The following DAB1 variants were observed in gnomAD, a reference collection of about 807,000 sequenced individuals.
DAB1 encodes the protein disabled homolog 1.
DAB1 carries 15 observed loss-of-function variants against 64.6 expected under a neutral mutation model. The ratio of observed to expected loss-of-function variants is 0.23; its 90% CI spans 0.16 to 0.36. The LOEUF is 0.36. Among genes scored for constraint, DAB1 ranks in the 10% least tolerant of loss-of-function variants. DAB1 has a pLI of 1.00. For missense variants in DAB1, 596 were observed against 706.7 expected (o/e 0.84, Z 1.78); for synonymous variants, 235 against 251.9 (o/e 0.93, Z 0.64).
intron 4 of DAB1, among the ~76,000 whole-genome samples, chr1:58,336,338 T>G (rs1663117139): frequency 6.6e-6 from 1 of 152,230 alleles, no homozygotes; most frequent in South Asian, 2.1e-4. Context: ...AAGAAAGAAT[T>G]CTATGCTTTG....
intron 5 of DAB1, among the ~76,000 whole-genome samples, chr1:58,010,189 C>T (rs1166384796): frequency 6.6e-6 from 1 of 152,142 alleles, no homozygotes; most frequent in African/African-American, 2.4e-5. Flanking sequence ...TCATCTAATC[C>T]TCATAACGGC....
At chr1:57,433,810 G>T (rs1164907336) in intron 7 of DAB1, among the ~76,000 whole-genome samples, 1 of 140,164 alleles carries the variant, frequency 7.1e-6, no homozygotes, top group African/African-American at 2.7e-5. Flanking sequence ...ATAGTGAAAA[G>T]ACAATCTAAT....
At chr1:57,409,684 C>T (rs1417436106) in intron 1 of DAB1, among the ~76,000 whole-genome samples, 8 of 152,130 alleles carry the variant, frequency 5.3e-5, no homozygotes, top group Admixed American at 5.2e-4. Flanking sequence ...TGGTGGGTGC[C>T]TGTAATCCCA....
chr1:57,570,701 A>G (rs558764362), intron 7 of DAB1, among the ~76,000 whole-genome samples: 49 of 152,222 alleles, frequency 3.2e-4, no homozygotes, highest in African/African-American at 1.1e-3. Flanking sequence ...ACCCCTTCAA[A>G]CAACTAGGAT....
intron 7 of DAB1, 133 bp downstream of exon 7, chr1:57,070,890 C>A: frequency 1.2e-6 from 1 of 819,328 alleles, no homozygotes. Flanking sequence ...GCTGGCAGCC[C>A]TCACCCTCAG....
At chr1:57,520,993 T>C (rs1423400663) in intron 7 of DAB1, among the ~76,000 whole-genome samples, 1 of 152,072 alleles carries the variant, frequency 6.6e-6, no homozygotes, top group Non-Finnish European at 1.5e-5. Flanking sequence ...CCACATTTAG[T>C]AGCTATGTGT....
chr1:57,985,053 G>A (rs911740545), intron 5 of DAB1, among the ~76,000 whole-genome samples: 19 of 151,972 alleles, frequency 1.3e-4, no homozygotes, highest in African/African-American at 3.6e-4. Flanking sequence ...GATTACAGGC[G>A]CACGCCACCA....
intron 6 of DAB1, among the ~76,000 whole-genome samples, chr1:57,666,919 G>A (rs1436231419): frequency 2.6e-5 from 4 of 151,668 alleles, no homozygotes; most frequent in Non-Finnish European, 5.9e-5. Context: ...AGAGGGAGAG[G>A]GAGAGGGCTT....
At chr1:57,620,179 G>T (rs1268357639) in intron 7 of DAB1, among the ~76,000 whole-genome samples, 1 of 152,214 alleles carries the variant, frequency 6.6e-6, no homozygotes, top group South Asian at 2.1e-4. Context: ...CTGAGACTCC[G>T]CCCCGAAAGG....
At chr1:58,157,072 C>T (rs1309437705) in intron 4 of DAB1, among the ~76,000 whole-genome samples, 1 of 152,138 alleles carries the variant, frequency 6.6e-6, no homozygotes, top group East Asian at 1.9e-4. Flanking sequence ...CACATTATCA[C>T]TAAAGCATCC....
rs773397205 is a variant in DAB1, at chr1:57,128,156, T to TAAAA, written c.306+8386_306+8387insTTTT. 2.1e-3 allele frequency among the ~76,000 whole-genome samples: 166 copies of TAAAA among 78,476 alleles called. 1 individual carries two copies. The highest frequency in any genetic ancestry group is 0.016 in the African/African-American group (153 of 9,776). 51.5% of individuals were successfully genotyped at this position (78,476 alleles called of 152,430 possible). On this transcript the variant is annotated intron_variant, in intron 4 of 14. Coordinates refer to ENST00000371236, the MANE Select transcript of DAB1 (RefSeq NM_001365792.1). ...GAGTGAGAGTCTCAAAAAATAAAAA[T>TAAAA]AAATAAATAAATAAATAAATAAATA...
chr1:57,156,094 T>A (rs1169208921), intron 2 of DAB1, among the ~76,000 whole-genome samples: 1 of 152,134 alleles, frequency 6.6e-6, no homozygotes, highest in Non-Finnish European at 1.5e-5. Flanking sequence ...GGTACACATA[T>A]ATATCACTTA....
At chr1:57,942,656 G>A (rs1197499134) in intron 5 of DAB1, among the ~76,000 whole-genome samples, 1 of 152,148 alleles carries the variant, frequency 6.6e-6, no homozygotes, top group Non-Finnish European at 1.5e-5. Flanking sequence ...GGGCTGCAAA[G>A]TGAATGTGGT....
At chr1:58,313,961 A>G (rs957350377) in intron 4 of DAB1, among the ~76,000 whole-genome samples, 2 of 152,094 alleles carry the variant, frequency 1.3e-5, no homozygotes, top group Non-Finnish European at 2.9e-5. Flanking sequence ...GGATTTTAAC[A>G]TATGAATTTG....
intron 5 of DAB1, among the ~76,000 whole-genome samples, chr1:58,023,898 C>T (rs1646849975): frequency 6.6e-6 from 1 of 151,846 alleles, no homozygotes; most frequent in African/African-American, 2.4e-5. Flanking sequence ...TTAGCTTAGC[C>T]TCTAAGTCCA....
At chr1:57,711,962 A>G (rs1049900870) in intron 6 of DAB1, among the ~76,000 whole-genome samples, 1 of 152,158 alleles carries the variant, frequency 6.6e-6, no homozygotes, top group Admixed American at 6.5e-5. Flanking sequence ...TTTATACTGA[A>G]CTTCAATGGT....
chr1:58,008,894 T>C (rs949641503), intron 5 of DAB1, among the ~76,000 whole-genome samples: 1 of 152,184 alleles, frequency 6.6e-6, no homozygotes, highest in African/African-American at 2.4e-5. Context: ...CTTATTTCAT[T>C]ACAGCCATGT....
intron 7 of DAB1, among the ~76,000 whole-genome samples, chr1:57,546,712 A>G (rs796490370): frequency 5.9e-5 from 9 of 152,304 alleles, no homozygotes; most frequent in African/African-American, 1.9e-4. Flanking sequence ...CGGTGCAGTC[A>G]TTAAGGCGTA....
chr1:57,379,807 G>C (rs565898085), intron 1 of DAB1, among the ~76,000 whole-genome samples: 135 of 152,310 alleles, frequency 8.9e-4, no homozygotes, highest in African/African-American at 3.1e-3. Flanking sequence ...AGATGTAGTA[G>C]AAAGATATCC....
Sources: gnomAD v4.1 joint callset for allele counts (sites outside exome capture counted in the v4.1 genomes callset) on GRCh38, gnomAD v4.1.1 for gene constraint, MANE v1.5 for transcripts, NCBI Gene and HGNC (gene_info 2026-07-23, HGNC 2026-07-21) for gene names.